The following AUTS2 variants were observed in gnomAD, a reference collection of about 807,000 sequenced individuals.
AUTS2 encodes autism susceptibility gene 2 protein.
Under a neutral mutation model 112.4 loss-of-function variants are expected in AUTS2, and 17 were observed. The observed-to-expected ratio is 0.15, with a 90% CI of 0.10 to 0.23. The LOEUF (loss-of-function observed/expected upper bound fraction) is 0.23. Ranked by LOEUF, AUTS2 falls within the 10% of genes least tolerant of loss-of-function variation. The pLI, the probability that AUTS2 is intolerant of heterozygous loss-of-function variation, is 1.00. For synonymous variants in AUTS2, 751 were observed against 702.7 expected (o/e 1.07, Z -1.09); for missense variants, 1,510 against 1,701.6 (o/e 0.89, Z 1.98).
intron 1 of AUTS2, among the ~76,000 whole-genome samples, chr7:69,678,073 G>C (rs1796635710): frequency 1.3e-5 from 2 of 152,196 alleles, no homozygotes; most frequent in East Asian, 3.9e-4. Context: ...GCTTGGGGCT[G>C]AAGGACAATG....
At chr7:69,889,386 T>A (rs1478940369) in intron 1 of AUTS2, among the ~76,000 whole-genome samples, 4 of 152,236 alleles carry the variant, frequency 2.6e-5, no homozygotes, top group Non-Finnish European at 5.9e-5. Flanking sequence ...ATCTTTTGCA[T>A]ACAGTGCTTA....
chr7:70,745,238 T>C (rs1788380851), intron 6 of AUTS2, among the ~76,000 whole-genome samples: 1 of 152,222 alleles, frequency 6.6e-6, no homozygotes, highest in Non-Finnish European at 1.5e-5. Flanking sequence ...TTGAGCTTAG[T>C]CATTCGGGCA....
At chr7:70,206,866 C>A (rs1810601232) in intron 4 of AUTS2, among the ~76,000 whole-genome samples, 1 of 152,170 alleles carries the variant, frequency 6.6e-6, no homozygotes, top group Admixed American at 6.5e-5. Flanking sequence ...CCTCAGATAG[C>A]AAGCTAGATC....
At chr7:69,684,973 G>T (rs1367047953) in intron 1 of AUTS2, among the ~76,000 whole-genome samples, 2 of 152,166 alleles carry the variant, frequency 1.3e-5, no homozygotes, top group Admixed American at 1.3e-4. Flanking sequence ...TACGTGCCTG[G>T]TGTGTACAGG....
At chr7:69,994,226 T>C (rs1232902596) in intron 2 of AUTS2, among the ~76,000 whole-genome samples, 1 of 152,146 alleles carries the variant, frequency 6.6e-6, no homozygotes, top group African/African-American at 2.4e-5. Flanking sequence ...GTGAGACATT[T>C]TTTCCATCAG....
intron 5 of AUTS2, among the ~76,000 whole-genome samples, chr7:70,616,747 C>T (rs535826786): frequency 2.3e-4 from 32 of 137,006 alleles, no homozygotes; most frequent in African/African-American, 8.7e-4. Flanking sequence ...AATAGAGTGT[C>T]GAATAGTTTT....
chr7:69,700,272 A>T (rs1262658392), intron 1 of AUTS2, among the ~76,000 whole-genome samples: 1 of 152,134 alleles, frequency 6.6e-6, no homozygotes, highest in Non-Finnish European at 1.5e-5. Flanking sequence ...CTTTTGTGTC[A>T]TCAACAGTCT....
chr7:70,786,032 T>C lies in AUTS2; in HGVS notation c.2302T>C (p.Ser768Pro). ...GNAFGGLGNP[S>P]VTPNSMFGHK... The stretch of plus-strand genomic sequence containing the variant: ...TGCCTTCGGGGGACTTGGAAATCCT[T>C]CCGTTAGTGAGTACCTCTAACTTTT... Residue 768 changes from serine to proline, a missense_variant, in exon 17 of 19, where the codon TCC (serine) becomes CCC (proline). Physicochemically the swap from Ser to Pro is moderately conservative, Grantham distance 74. This residue lies in a region of AUTS2 where 788 missense variants were observed against 797.6 expected (regional missense o/e 0.99). Transcript: ENST00000342771. The C allele has an allele frequency of 1.9e-6, 3 of 1,613,912 alleles. No individual in the cohort carries two copies. The highest frequency in any genetic ancestry group is 2.5e-6 in the Non-Finnish European group (3 of 1,179,782).
At chr7:69,749,585 G>C (rs1243351479) in intron 1 of AUTS2, among the ~76,000 whole-genome samples, 1 of 152,114 alleles carries the variant, frequency 6.6e-6, no homozygotes, top group Non-Finnish European at 1.5e-5. Context: ...CAGAGTATTT[G>C]TTTCTTTGGG....
intron 5 of AUTS2, among the ~76,000 whole-genome samples, chr7:70,654,122 G>A (rs1806646539): frequency 6.6e-6 from 1 of 152,174 alleles, no homozygotes; most frequent in Non-Finnish European, 1.5e-5. Flanking sequence ...AGAAATCACT[G>A]CTAATGGTTA....
At chr7:70,095,938 A>G (rs1804172915) in intron 2 of AUTS2, among the ~76,000 whole-genome samples, 1 of 152,228 alleles carries the variant, frequency 6.6e-6, no homozygotes, top group Non-Finnish European at 1.5e-5. Flanking sequence ...GCAAGGTAGC[A>G]TTCAAGAAGA....
At chr7:70,638,146 C>T (rs1042493754) in intron 5 of AUTS2, among the ~76,000 whole-genome samples, 12 of 152,244 alleles carry the variant, frequency 7.9e-5, no homozygotes, top group African/African-American at 2.6e-4. Flanking sequence ...TACCGAAACT[C>T]CCCATCTTTC....
chr7:70,312,798 G>A (rs1301167378), intron 4 of AUTS2, among the ~76,000 whole-genome samples: 4 of 152,180 alleles, frequency 2.6e-5, no homozygotes, highest in African/African-American at 9.7e-5. Flanking sequence ...CAAGTCACAC[G>A]GGGCTGAAGG....
intron 4 of AUTS2, among the ~76,000 whole-genome samples, chr7:70,281,951 C>A (rs143813321): frequency 3.3e-5 from 5 of 152,288 alleles, no homozygotes; most frequent in African/African-American, 1.2e-4. Flanking sequence ...CCAGAACAAA[C>A]CGCATAGATT....
chr7:70,456,758 C>T (rs77423558), intron 5 of AUTS2, among the ~76,000 whole-genome samples: 4,940 of 152,310 alleles, frequency 0.032, 116 homozygotes, highest in Middle Eastern at 0.065. Flanking sequence ...CCCTTCAATC[C>T]CACACAACCA....
At chr7:70,567,158 A>C (rs1343344593) in intron 5 of AUTS2, among the ~76,000 whole-genome samples, 3 of 152,198 alleles carry the variant, frequency 2.0e-5, no homozygotes. Flanking sequence ...CAGTGTGTTC[A>C]TGTCTCGATC....
intron 2 of AUTS2, among the ~76,000 whole-genome samples, chr7:70,044,296 G>A (rs556744789): frequency 1.3e-5 from 2 of 152,338 alleles, no homozygotes; most frequent in East Asian, 3.9e-4. Context: ...CAGTGTTTAT[G>A]TAACCTCAGT....
At chr7:69,793,362 T>A (rs755303303) in intron 1 of AUTS2, among the ~76,000 whole-genome samples, 2 of 152,222 alleles carry the variant, frequency 1.3e-5, no homozygotes, top group Non-Finnish European at 2.9e-5. Flanking sequence ...TGGCTGAGGC[T>A]AAAGTATTAT....
intron 2 of AUTS2, among the ~76,000 whole-genome samples, chr7:69,900,477 A>C (rs1161597289): frequency 6.6e-6 from 1 of 152,240 alleles, no homozygotes. Flanking sequence ...ACAGATCTTG[A>C]GAATCATATA....
Sources: gnomAD v4.1 joint callset for allele counts (sites outside exome capture counted in the v4.1 genomes callset) on GRCh38, gnomAD v4.1.1 for gene constraint, gnomAD v4.1.1 regional missense constraint, MANE v1.5 for transcripts, NCBI Gene and HGNC (gene_info 2026-07-23, HGNC 2026-07-21) for gene names.